PCDHGA5: variants seen among roughly 807,000 people sequenced by gnomAD.
The protein encoded by PCDHGA5 is protocadherin gamma-A5.
A neutral mutation model predicts 56.7 loss-of-function variants in PCDHGA5; 36 were observed. The observed-to-expected ratio is 0.64, with a 90% CI of 0.49 to 0.84. PCDHGA5 has a LOEUF of 0.84. Ranked by LOEUF, PCDHGA5 falls within the 40% of genes least tolerant of loss-of-function variation. PCDHGA5 has a pLI of 0.00. For missense variants in PCDHGA5, 1,305 were observed against 1,201.5 expected (o/e 1.09, Z -1.27); for synonymous variants, 563 against 520.2 (o/e 1.08, Z -1.12).
chr5:141,483,442 AATCATCAGGACTTGTTG>A (rs2099581330), intron 1 of PCDHGA5, among the ~76,000 whole-genome samples: 1 of 152,196 alleles, frequency 6.6e-6, no homozygotes, highest in Non-Finnish European at 1.5e-5. Context: ...ACTACAATAA[AATCATCAGGACTTGTTG>A]ATTGACATGA....
intron 1 of PCDHGA5, among the ~76,000 whole-genome samples, chr5:141,444,357 G>C (rs1258703336): frequency 3.3e-5 from 5 of 151,798 alleles, no homozygotes; most frequent in African/African-American, 9.7e-5. Flanking sequence ...TTTTAGTAGA[G>C]ACGGGGTTTC....
In PCDHGA5 at chr5:141,385,275, A is replaced by G. The variant is rs115152670; in HGVS notation, c.2421+18524A>G. The G allele has an allele frequency of 1.9e-3, 3,011 of 1,613,598 alleles. 48 individuals carry two copies. In the African/African-American group the frequency reaches 0.033, roughly 18 times the overall value. On this transcript the variant is annotated intron_variant, in intron 1 of 3. Coordinates refer to ENST00000518069, the MANE Select transcript of PCDHGA5 (RefSeq NM_018918.3). ...GCTGTGAGAAAAATGATTCTTTGCTAACATCCGTAGATTTTCAGGAATGTA... is the reference window on the plus strand; with the variant it reads ...GCTGTGAGAAAAATGATTCTTTGCTGACATCCGTAGATTTTCAGGAATGTA...
intron 1 of PCDHGA5, chr5:141,403,965 A>G: frequency 6.2e-7 from 1 of 1,613,864 alleles, no homozygotes; most frequent in Non-Finnish European, 8.5e-7. Flanking sequence ...ATTTCGGTGG[A>G]AGATGTAAAT....
chr5:141,404,596 G>A, intron 1 of PCDHGA5: 1 of 1,614,080 alleles, frequency 6.2e-7, no homozygotes, highest in Non-Finnish European at 8.5e-7. Context: ...ATGTGTCATT[G>A]AGACTGTTTG....
Position 141,431,364 on chromosome 5 carries a change from G to T in PCDHGA5, c.2422-63443G>T, listed in dbSNP as rs773688069. 3 of 1,613,892 alleles carry T rather than the reference G, an allele frequency of 1.9e-6. No individual in the cohort carries two copies. The East Asian group carries it at 6.7e-5, about 36-fold the overall frequency. ...TTGGTGCTGAAACGCGCCCTGGACC[G>T]CGAAGAAAAGGCTGCTCACCACCTG... On this transcript the variant is annotated intron_variant, in intron 1 of 3. Coordinates refer to ENST00000518069, the MANE Select transcript of PCDHGA5 (RefSeq NM_018918.3). The surrounding 1 kb of genome is among the most constrained non-coding windows in gnomAD (Gnocchi z 4.8).
chr5:141,379,082 T>C (rs982884901), intron 1 of PCDHGA5: 9 of 152,216 alleles, frequency 5.9e-5, no homozygotes, highest in Non-Finnish European at 1.2e-4. Flanking sequence ...CTGAATTTGT[T>C]ATGAATGTGT....
chr5:141,447,225 C>T (rs966197293), intron 1 of PCDHGA5, among the ~76,000 whole-genome samples: 9 of 151,960 alleles, frequency 5.9e-5, no homozygotes, highest in African/African-American at 7.3e-5. Flanking sequence ...CTGCAACCTC[C>T]GCCTCCCGGG....
chr5:141,375,570 T>C, intron 1 of PCDHGA5: 2 of 1,614,014 alleles, frequency 1.2e-6, no homozygotes, highest in Non-Finnish European at 1.7e-6. Context: ...GAAGACACCC[T>C]CCAGGGGGCG....
intron 1 of PCDHGA5, chr5:141,388,006 T>C (rs1353495946): frequency 6.7e-7 from 1 of 1,482,372 alleles, no homozygotes; most frequent in African/African-American, 1.4e-5. Flanking sequence ...CCCGAGGAAA[T>C]GCCCAAGGGC....
At chr5:141,444,774 AT>A (rs2098446962) in intron 1 of PCDHGA5, among the ~76,000 whole-genome samples, 1 of 152,018 alleles carries the variant, frequency 6.6e-6, no homozygotes, top group Non-Finnish European at 1.5e-5. Context: ...TATATTCTTG[AT>A]CATGTTTCAT....
chr5:141,387,761 A>C lies in PCDHGA5; in HGVS notation c.2421+21010A>C, dbSNP rs539874780. The C allele has an allele frequency of 9.8e-5, 139 of 1,420,618 alleles. 1 individual carries two copies. The African/African-American group carries it at 1.7e-3, about 17-fold the overall frequency. The allele number at this position is 1,420,618 out of a possible 1,614,324, so 88.0% of individuals were successfully genotyped here. A position where few individuals can be genotyped will look rare whatever the true frequency, so the allele number is the denominator to read the frequency against. On this transcript the variant is annotated intron_variant, in intron 1 of 3. Transcript: ENST00000518069. ...ACACCGCTTCCTCCTCGGAAAAAGA[A>C]GAATTTTTTCTTGAACTGGAACTGC...
chr5:141,448,152 C>T (rs1463599948), intron 1 of PCDHGA5, among the ~76,000 whole-genome samples: 1 of 151,984 alleles, frequency 6.6e-6, no homozygotes, highest in African/African-American at 2.4e-5. Flanking sequence ...CAGACTCACC[C>T]CTGAAAGATC....
chr5:141,494,671 C>T, intron 1 of PCDHGA5, 136 bp from the exon 2 acceptor site: 1 of 1,532,340 alleles, frequency 6.5e-7, no homozygotes, highest in East Asian at 2.4e-5. Context: ...GAGATGAGTC[C>T]ACCCCTGCCC....
Position 141,366,241 on chromosome 5 carries a change from G to A in PCDHGA5, c.1911G>A (p.Ala637=). The A allele has an allele frequency of 1.2e-6, 2 of 1,613,748 alleles. No homozygotes were observed. The highest frequency in any genetic ancestry group is 2.2e-5 in the South Asian group (2 of 91,088). ...CGCGAGCCCTGCTGGACAGAGACGCGCTCAAGCAGAGCCTCGTGGTGGCCG... is the reference window on the plus strand; with the variant it reads ...CGCGAGCCCTGCTGGACAGAGACGCACTCAAGCAGAGCCTCGTGGTGGCCG... ...RTARALLDRD[A]LKQSLVVAVE... Residue 637 remains alanine, a synonymous_variant, in exon 1 of 4, where the codon GCG becomes GCA. Transcript: ENST00000518069.
In PCDHGA5 at chr5:141,410,925, C is replaced by T. The variant is rs576126485; in HGVS notation, c.2421+44174C>T. The T allele has an allele frequency of 2.3e-5, 5 of 217,506 alleles. No individual in the cohort carries two copies. The East Asian group carries it at 5.8e-4, about 25-fold the overall frequency. 13.5% of individuals were successfully genotyped at this position (217,506 alleles called of 1,614,324 possible). Reference sequence around the variant, plus strand: ...CTGGAGTGCAGTGGCGTGATCTCTGCTCACTGCAACCTCCGCCTTCTGGGT... The same window carrying T: ...CTGGAGTGCAGTGGCGTGATCTCTGTTCACTGCAACCTCCGCCTTCTGGGT... On this transcript the variant is annotated intron_variant, in intron 1 of 3. Coordinates refer to ENST00000518069, the MANE Select transcript of PCDHGA5 (RefSeq NM_018918.3).
chr5:141,488,807 C>G (rs2099679535), intron 1 of PCDHGA5, among the ~76,000 whole-genome samples: 1 of 152,170 alleles, frequency 6.6e-6, no homozygotes, highest in Non-Finnish European at 1.5e-5. Flanking sequence ...TGAGTACCAT[C>G]TGAGCTGTCA....
chr5:141,383,304 G>T (rs1779007855), intron 1 of PCDHGA5: 1 of 1,613,800 alleles, frequency 6.2e-7, no homozygotes. Context: ...GATTCTTGAC[G>T]GAAGAAATAA....
At chr5:141,423,049 C>T (rs1418805817) in intron 1 of PCDHGA5, 3 of 1,614,094 alleles carry the variant, frequency 1.9e-6, no homozygotes, top group East Asian at 2.2e-5. Flanking sequence ...GCTGTCCTAT[C>T]GCCTGCTTAA....
intron 1 of PCDHGA5, chr5:141,422,104 T>C: frequency 6.2e-7 from 1 of 1,607,960 alleles, no homozygotes; most frequent in Non-Finnish European, 8.5e-7. Context: ...TTCTGAAATA[T>C]TCCAATTGGA....
Sources: gnomAD v4.1 joint callset for allele counts (sites outside exome capture counted in the v4.1 genomes callset) on GRCh38, gnomAD v4.1.1 for gene constraint, Gnocchi (gnomAD v3.1) non-coding constraint, MANE v1.5 for transcripts, NCBI Gene and HGNC (gene_info 2026-07-23, HGNC 2026-07-21) for gene names.